The following SMYD2 variants were observed in gnomAD, a reference collection of about 807,000 sequenced individuals.
SMYD2 encodes N-lysine methyltransferase SMYD2.
A neutral mutation model predicts 59.1 loss-of-function variants in SMYD2; 53 were observed. The ratio of observed to expected loss-of-function variants is 0.90; its 90% CI spans 0.72 to 1.13. SMYD2 has a LOEUF of 1.13. SMYD2 is among the 50% of genes most tolerant of loss of function. The probability of loss-of-function intolerance (pLI) is 0.00; values close to 1 mark genes in which losing one functional copy is unlikely to be tolerated. For missense variants in SMYD2, 494 were observed against 544.7 expected (o/e 0.91, Z 0.93); for synonymous variants, 208 against 198.8 (o/e 1.05, Z -0.39).
chr1:214,314,953 G>A, intron 3 of SMYD2, 81 bp downstream of exon 3: 1 of 1,050,508 alleles, frequency 9.5e-7, no homozygotes. Flanking sequence ...CTGACCTTTG[G>A]TAACCATCTC....
chr1:214,290,853 G>A (rs1656625710), intron 1 of SMYD2, among the ~76,000 whole-genome samples: 1 of 152,204 alleles, frequency 6.6e-6, no homozygotes, highest in Non-Finnish European at 1.5e-5. Context: ...CTTCAGGGAT[G>A]TAGGTACTGG....
intron 1 of SMYD2, among the ~76,000 whole-genome samples, chr1:214,291,359 A>G (rs1026581276): frequency 3.9e-5 from 6 of 152,208 alleles, no homozygotes; most frequent in African/African-American, 1.4e-4. Context: ...ATGTTTAACC[A>G]TGTTGGGACT....
At chr1:214,335,627 T>G (rs1195606880) in intron 11 of SMYD2, among the ~76,000 whole-genome samples, 1 of 152,232 alleles carries the variant, frequency 6.6e-6, no homozygotes, top group Non-Finnish European at 1.5e-5. Flanking sequence ...AGCAAATACA[T>G]TCTTAGAGAT....
intron 6 of SMYD2, among the ~76,000 whole-genome samples, chr1:214,326,656 C>T (rs549374909): frequency 6.6e-6 from 1 of 152,192 alleles, no homozygotes; most frequent in Non-Finnish European, 1.5e-5. Flanking sequence ...GGGGAGTGCA[C>T]TTGGCCATAG....
intron 1 of SMYD2, among the ~76,000 whole-genome samples, chr1:214,285,013 G>T (rs1325732874): frequency 6.6e-6 from 1 of 152,090 alleles, no homozygotes; most frequent in South Asian, 2.1e-4. Context: ...TTCTTTGTTT[G>T]TTCTGAGTGT....
intron 1 of SMYD2, among the ~76,000 whole-genome samples, chr1:214,289,172 G>C (rs1656597201): frequency 6.6e-6 from 1 of 152,112 alleles, no homozygotes; most frequent in African/African-American, 2.4e-5. Context: ...GCAGGAACCT[G>C]GTCTTTGGGA....
At position 214,302,425 on chromosome 1, in the gene SMYD2, C is replaced by G. The variant is rs1338060392; in HGVS notation, c.174-2762C>G. Among the ~76,000 whole-genome samples the G allele has an allele frequency of 1.3e-5, 2 of 151,878 alleles. 1 individual carries two copies. Among genetic ancestry groups the G allele is most frequent in the Non-Finnish European group, 2.9e-5 (2 of 68,018 alleles). On this transcript the variant is annotated intron_variant, in intron 1 of 11. Coordinates refer to ENST00000366957, the MANE Select transcript of SMYD2 (RefSeq NM_020197.3). Reference sequence around the variant, plus strand: ...TACTACCCTTCAGGAACCTTTACGCCTTACGCCTCACACCTTCTGCATTGC... The same window carrying G: ...TACTACCCTTCAGGAACCTTTACGCGTTACGCCTCACACCTTCTGCATTGC...
At chr1:214,295,408 T>C (rs568064507) in intron 1 of SMYD2, among the ~76,000 whole-genome samples, 2 of 151,564 alleles carry the variant, frequency 1.3e-5, no homozygotes, top group Admixed American at 1.3e-4. Flanking sequence ...TTTTTTTTGC[T>C]TTCTAAGGCA....
intron 1 of SMYD2, among the ~76,000 whole-genome samples, chr1:214,294,390 A>G (rs902934904): frequency 6.6e-6 from 1 of 152,202 alleles, no homozygotes; most frequent in Non-Finnish European, 1.5e-5. Context: ...TTTCCAGGCC[A>G]GGCGCGGTGG....
intron 2 of SMYD2, among the ~76,000 whole-genome samples, chr1:214,313,122 T>C (rs188835898): frequency 1.3e-5 from 2 of 152,172 alleles, no homozygotes; most frequent in Admixed American, 1.3e-4. Flanking sequence ...CCTGAGCATT[T>C]ATTTTTATTT....
At chr1:214,315,674 G>C (rs1333408270) in intron 3 of SMYD2, among the ~76,000 whole-genome samples, 3 of 152,196 alleles carry the variant, frequency 2.0e-5, no homozygotes, top group Non-Finnish European at 4.4e-5. Flanking sequence ...AGCAAGACAA[G>C]ATGGTGGATC....
In SMYD2 at chr1:214,318,899, G is replaced by T. The variant is rs1657127235; in HGVS notation, c.450G>T (p.Gln150His). The T allele has an allele frequency of 4.3e-6, 7 of 1,614,050 alleles. No homozygotes were observed. Among genetic ancestry groups the T allele is most frequent in the Non-Finnish European group, 5.1e-6 (6 of 1,179,988 alleles). The change falls in exon 5 of 12, where the codon CAG (glutamine) becomes CAT (histidine). Residue 150 changes from glutamine to histidine, a missense_variant. Transcript: ENST00000366957. This position sits in a 1 kb window ranked among gnomAD's most constrained non-coding sequence, Gnocchi z 5.4. ...ACAATGAGAAGAAGGATTTGATTCAGAGTGACATAGCTGCTCTCCATCACT... is the reference window on the plus strand; with the variant it reads ...ACAATGAGAAGAAGGATTTGATTCATAGTGACATAGCTGCTCTCCATCACT... ...KLDNEKKDLI[Q>H]SDIAALHHFY...
At chr1:214,286,989 T>G (rs1055633799) in intron 1 of SMYD2, among the ~76,000 whole-genome samples, 3 of 151,650 alleles carry the variant, frequency 2.0e-5, no homozygotes, top group Non-Finnish European at 4.4e-5. Context: ...CCACCATGCC[T>G]GGCTAATTTT....
In SMYD2 at chr1:214,334,287, AGG is replaced by A; in HGVS notation, c.1203_1204del (p.Lys403SerfsTer22). 6.2e-7 allele frequency: 1 copy of A among 1,613,648 alleles called. No individual in the cohort carries two copies. The highest frequency in any genetic ancestry group is 8.5e-7 in the Non-Finnish European group (1 of 1,180,006). ...LYMGLEHKAAGEKALKKAIAI... is the reference protein window; with the variant it reads ...LYMGLEHKAAXEKALKKAIAI... ...ACATGGGCCTGGAACACAAAGCCGC[AGG>A]GGAGAAAGCCCTGAAGAAGGTATGT... is the stretch of plus-strand genomic sequence containing the variant. On this transcript the variant is annotated frameshift_variant, in exon 11 of 12. Coordinates refer to ENST00000366957, the MANE Select transcript of SMYD2 (RefSeq NM_020197.3). LOFTEE classifies it high-confidence loss of function.
At chr1:214,330,113 C>A in intron 7 of SMYD2, 55 bp from the exon 8 acceptor site, 1 of 1,241,794 alleles carries the variant, frequency 8.1e-7, no homozygotes, top group Non-Finnish European at 1.1e-6. Context: ...ACGGGAATGA[C>A]AAGGATTGAG....
chr1:214,332,479 G>T, intron 10 of SMYD2: 1 of 253,888 alleles, frequency 3.9e-6, no homozygotes. Context: ...CTAGTTTTGA[G>T]AAGCCACTAG....
intron 10 of SMYD2, 85 bp downstream of exon 10, chr1:214,332,277 T>C: frequency 2.0e-6 from 3 of 1,482,648 alleles, no homozygotes; most frequent in Non-Finnish European, 2.7e-6. Context: ...TCCTGCCCAT[T>C]GCTGAGACTT....
rs765872989 is a variant in SMYD2 at position 214,281,269 on chromosome 1, C to G, written c.15C>G (p.Gly5=). Residue 5 remains glycine (G), a synonymous_variant, in exon 1 of 12, where the codon GGC becomes GGG. Coordinates refer to ENST00000366957, the MANE Select transcript of SMYD2 (RefSeq NM_020197.3). Reference sequence around the variant, plus strand: ...CCGCCGCCACCATGAGGGCCGAGGGCCTCGGCGGCCTGGAGCGCTTCTGCA... The same window carrying G: ...CCGCCGCCACCATGAGGGCCGAGGGGCTCGGCGGCCTGGAGCGCTTCTGCA... The part of the protein sequence containing the change: MRAE[G]LGGLERFCSP... 1.6e-6 allele frequency: 2 copies of G among 1,276,900 alleles called. No homozygotes were observed. The highest frequency in any genetic ancestry group is 2.9e-5 in the South Asian group (1 of 34,362). The allele number at this position is 1,276,900 out of a possible 1,614,324, so 79.1% of individuals were successfully genotyped here.
At chr1:214,324,818 CAA>C in intron 6 of SMYD2, 110 bp downstream of exon 6, 1 of 951,944 alleles carries the variant, frequency 1.1e-6, no homozygotes, top group Non-Finnish European at 1.6e-6. Flanking sequence ...ACATGAAACT[CAA>C]AGTGAATTAA....
Sources: allele counts gnomAD v4.1 joint callset (sites outside exome capture counted in the v4.1 genomes callset), GRCh38; gene constraint gnomAD v4.1.1; non-coding constraint Gnocchi (gnomAD v3.1); transcripts MANE v1.5; gene names NCBI Gene and HGNC (gene_info 2026-07-23, HGNC 2026-07-21).